Variants in CEP128 observed in about 807,000 individuals in gnomAD.
The protein encoded by CEP128 is centrosomal protein 128kDa.
In CEP128, 132 loss-of-function variants were observed where a neutral mutation model predicts 156.7. The ratio of observed to expected loss-of-function variants is 0.84; its 90% confidence interval spans 0.73 to 0.97. CEP128 has a LOEUF of 0.97. CEP128 is among the 50% of genes least tolerant of loss of function. The pLI, the probability that CEP128 is intolerant of heterozygous loss-of-function variation, is 0.00. For missense variants in CEP128, 1,252 were observed against 1,281.9 expected, an observed-to-expected ratio of 0.98 and a Z score of 0.36; for synonymous variants, 469 against 448.9, an observed-to-expected ratio of 1.04 and a Z score of -0.57.
chr14:80,515,890 T>C (rs1888464326), intron 23 of CEP128, among the ~76,000 whole-genome samples: 1 of 152,124 alleles, frequency 6.6e-6, no homozygotes, highest in Admixed American at 6.5e-5. Flanking sequence ...CTTTCTGAGA[T>C]GGAGTTTCGC....
Position 80,637,060 on chromosome 14 carries a change from T to C in CEP128, c.2807-56637A>G, listed in dbSNP as rs945038074. Among the ~76,000 whole-genome samples the C allele has an allele frequency of 2.0e-5, 3 of 150,250 alleles. No homozygotes were observed. In the South Asian group the frequency reaches 6.3e-4, roughly 32 times the overall value. On this transcript the variant is annotated intron_variant, in intron 19 of 24. Transcript: ENST00000555265. ...AAGATCGGGCCATTGTACTCCAGCC[T>C]GGACATCAAGAGCGAAACTCCGTCT... is the stretch of plus-strand genomic sequence containing the variant.
At chr14:80,616,995 T>A (rs975968271) in intron 19 of CEP128, among the ~76,000 whole-genome samples, 1 of 152,060 alleles carries the variant, frequency 6.6e-6, no homozygotes, top group African/African-American at 2.4e-5. Flanking sequence ...CATCATATGG[T>A]CCCAGTGGAA....
At chr14:80,623,473 A>G (rs1893578319) in intron 19 of CEP128, among the ~76,000 whole-genome samples, 2 of 151,922 alleles carry the variant, frequency 1.3e-5, no homozygotes, top group African/African-American at 2.4e-5. Flanking sequence ...AATAAAATAA[A>G]TAAATAAATA....
At chr14:80,728,607 T>C (rs1387722866) in intron 19 of CEP128, among the ~76,000 whole-genome samples, 2 of 152,192 alleles carry the variant, frequency 1.3e-5, no homozygotes, top group African/African-American at 4.8e-5. Context: ...GGGATCTCTG[T>C]AAAAAGCATT....
chr14:80,647,100 TACACATACACACACACACAC>T (rs1310133602), intron 19 of CEP128, among the ~76,000 whole-genome samples: 2 of 104,510 alleles, frequency 1.9e-5, no homozygotes, highest in African/African-American at 7.3e-5. Flanking sequence ...CCCTTATAAA[TACACATACACACACACACAC>T]ACACATACAC....
intron 7 of CEP128, among the ~76,000 whole-genome samples, chr14:80,899,109 C>T (rs61981267): frequency 0.013 from 2,027 of 152,220 alleles, 16 homozygotes; most frequent in Non-Finnish European, 0.021. Context: ...GCTAATAGAA[C>T]TAGTAATAAT....
At chr14:80,717,310 A>C (rs553006168) in intron 19 of CEP128, among the ~76,000 whole-genome samples, 20 of 152,264 alleles carry the variant, frequency 1.3e-4, no homozygotes, top group Admixed American at 5.9e-4. Flanking sequence ...GAATACTCCC[A>C]AAAAAAGAAG....
At chr14:80,709,073 A>T (rs1897314429) in intron 19 of CEP128, among the ~76,000 whole-genome samples, 1 of 151,218 alleles carries the variant, frequency 6.6e-6, no homozygotes, top group Non-Finnish European at 1.5e-5. Flanking sequence ...ATAAAAAAAT[A>T]AAAATATAAA....
At chr14:80,760,810 T>C (rs1447842283) in intron 17 of CEP128, among the ~76,000 whole-genome samples, 1 of 152,160 alleles carries the variant, frequency 6.6e-6, no homozygotes, top group Non-Finnish European at 1.5e-5. Context: ...AGTATTCCAT[T>C]TGTTAAAATA....
At chr14:80,608,284 C>A (rs1015468914) in intron 19 of CEP128, among the ~76,000 whole-genome samples, 1 of 152,114 alleles carries the variant, frequency 6.6e-6, no homozygotes, top group Non-Finnish European at 1.5e-5. Flanking sequence ...CCATAATGTT[C>A]TTGAGATACT....
At chr14:80,656,291 TTATATATATATATATATA>T (rs1159139132) in intron 19 of CEP128, among the ~76,000 whole-genome samples, 6 of 25,704 alleles carry the variant, frequency 2.3e-4, no homozygotes, top group Non-Finnish European at 2.7e-4. Flanking sequence ...ATATATATAT[TTATATATATATATATATA>T]TATATATATA....
chr14:80,534,423 G>T (rs868051925), intron 21 of CEP128, among the ~76,000 whole-genome samples: 1 of 152,158 alleles, frequency 6.6e-6, no homozygotes, highest in African/African-American at 2.4e-5. Flanking sequence ...AATTCCCAGG[G>T]CAAAATACTT....
At chr14:80,651,883 T>C (rs1894919827) in intron 19 of CEP128, among the ~76,000 whole-genome samples, 1 of 152,158 alleles carries the variant, frequency 6.6e-6, no homozygotes. Flanking sequence ...CTGAAAAGAA[T>C]GTATATTCTA....
At chr14:80,501,983 G>A (rs1887758952) in intron 24 of CEP128, among the ~76,000 whole-genome samples, 1 of 152,146 alleles carries the variant, frequency 6.6e-6, no homozygotes, top group Non-Finnish European at 1.5e-5. Flanking sequence ...CAACCTGGAA[G>A]TTACCACCCT....
chr14:80,898,597 C>T (rs941103407), intron 7 of CEP128, among the ~76,000 whole-genome samples: 1 of 152,170 alleles, frequency 6.6e-6, no homozygotes, highest in African/African-American at 2.4e-5. Flanking sequence ...TCTTACAAGA[C>T]AACTATTCCC....
At chr14:80,478,928 T>G (rs1886997560) in intron 14 of CEP128, among the ~76,000 whole-genome samples, 1 of 152,180 alleles carries the variant, frequency 6.6e-6, no homozygotes, top group African/African-American at 2.4e-5. Context: ...CTTCTGTGAT[T>G]TGTTGCTGAT....
Position 80,785,146 on chromosome 14 carries a change from C to T in CEP128, c.1960G>A (p.Glu654Lys). 1 of 1,614,158 alleles carries T rather than the reference C, an allele frequency of 6.2e-7. No homozygotes were observed. The highest frequency in any genetic ancestry group is 8.5e-7 in the Non-Finnish European group (1 of 1,179,992). The change falls in exon 15 of 25, where the codon GAA becomes AAA. Residue 654 changes from glutamate (E) to lysine (K), a missense_variant. Glu to Lys is a moderately conservative substitution (Grantham distance 56). Transcript: ENST00000555265. ...RADLANKLAE[E>K]ERAKKAVLKD... is the part of the protein sequence containing the mutation. ...AGCACTGCTTTCTTGGCTCTCTCTT[C>T]CTCAGCCAATTTATTAGCAAGATCT...
chr14:80,834,206 G>A (rs1885958014), intron 12 of CEP128, among the ~76,000 whole-genome samples: 1 of 152,030 alleles, frequency 6.6e-6, no homozygotes, highest in African/African-American at 2.4e-5. Flanking sequence ...GACAAACTGT[G>A]AACACAGCAA....
At chr14:80,720,989 G>T in intron 19 of CEP128, among the ~76,000 whole-genome samples, 1 of 152,126 alleles carries the variant, frequency 6.6e-6, no homozygotes, top group East Asian at 1.9e-4. Context: ...TGATTTGCTC[G>T]TTATCTTTAT....
Sources: gnomAD v4.1 joint callset for allele counts (sites outside exome capture counted in the v4.1 genomes callset) on GRCh38, gnomAD v4.1.1 for gene constraint, MANE v1.5 for transcripts, NCBI Gene and HGNC (gene_info 2026-07-23, HGNC 2026-07-21) for gene names.